LOXL2: variants seen among roughly 807,000 people sequenced by gnomAD.
The protein encoded by LOXL2 is lysyl oxidase homolog 2.
Under a neutral mutation model 93.0 loss-of-function variants are expected in LOXL2, and 70 were observed. That is an observed-to-expected ratio of 0.75 (90% CI 0.62 to 0.92). The LOEUF is 0.92. Ranked by LOEUF, LOXL2 falls within the 40% of genes least tolerant of loss-of-function variation. The pLI is 0.00. For missense variants in LOXL2, 973 were observed against 1,054.9 expected (o/e 0.92, Z 1.08); for synonymous variants, 438 against 413.2 (o/e 1.06, Z -0.73).
Position 23,398,369 on chromosome 8 carries a change from C to A in LOXL2, c.-84+5585G>T, listed in dbSNP as rs73549895. On this transcript the variant is annotated intron_variant, in intron 1 of 13. Coordinates refer to ENST00000389131, the MANE Select transcript of LOXL2 (RefSeq NM_002318.3). The stretch of plus-strand genomic sequence containing the variant: ...GGGCCAGCTGTGTCTGCTTGTCTGA[C>A]GTGGATCGTAGGAATGAAAAAACTA... Among the ~76,000 whole-genome samples the A allele has an allele frequency of 8.8e-3, 1,336 of 152,202 alleles. 16 individuals carry two copies. Among genetic ancestry groups the A allele is most frequent in the African/African-American group, 0.029 (1,212 of 41,516 alleles).
At chr8:23,344,240 G>A (rs1054458279) in intron 3 of LOXL2, among the ~76,000 whole-genome samples, 11 of 152,352 alleles carry the variant, frequency 7.2e-5, no homozygotes, top group Admixed American at 7.2e-4. Context: ...GGAGAGCCCC[G>A]GGGGCTCCAC....
At chr8:23,363,586 T>C (rs1804340180) in intron 2 of LOXL2, 1 of 152,228 alleles carries the variant, frequency 6.6e-6, no homozygotes, top group Non-Finnish European at 1.5e-5. Context: ...TGAAAAGCAG[T>C]GGCACCCTAT....
intron 1 of LOXL2, among the ~76,000 whole-genome samples, chr8:23,395,191 T>C (rs1585385475): frequency 6.6e-6 from 1 of 151,808 alleles, no homozygotes; most frequent in Admixed American, 6.6e-5. Context: ...GAGACGGAGG[T>C]TGCAGTGAGC....
At chr8:23,344,250 C>A (rs1221697983) in intron 3 of LOXL2, among the ~76,000 whole-genome samples, 2 of 152,200 alleles carry the variant, frequency 1.3e-5, no homozygotes, top group Non-Finnish European at 2.9e-5. Context: ...GGGGGCTCCA[C>A]GATGAAGGCA....
chr8:23,383,955 C>T (rs1029752279), intron 1 of LOXL2, among the ~76,000 whole-genome samples: 7 of 152,192 alleles, frequency 4.6e-5, no homozygotes, highest in Non-Finnish European at 7.4e-5. Flanking sequence ...CCACCGTGCC[C>T]GGCCCGATGT....
chr8:23,297,312 GAAC>G lies in LOXL2; in HGVS notation c.*728_*730del, dbSNP rs1454499907. On this transcript the variant is annotated 3_prime_UTR_variant, in exon 14 of 14. Coordinates refer to ENST00000389131, the MANE Select transcript of LOXL2 (RefSeq NM_002318.3). ...GTTGAATCAAAAACCCACAGAATTGGAACAACAGGAAGATGAGTCACTTACACA... is the reference window on the plus strand; with the variant it reads ...GTTGAATCAAAAACCCACAGAATTGGAACAGGAAGATGAGTCACTTACACA... The G allele has an allele frequency of 3.3e-5, 5 of 152,318 alleles. No individual in the cohort carries two copies. The highest frequency in any genetic ancestry group is 2.1e-4 in the South Asian group (1 of 4,820). The allele number at this position is 152,318 out of a possible 1,614,324, so 9.4% of individuals were successfully genotyped here.
intron 9 of LOXL2, among the ~76,000 whole-genome samples, chr8:23,316,167 T>A (rs1803399227): frequency 6.6e-6 from 1 of 152,226 alleles, no homozygotes; most frequent in Non-Finnish European, 1.5e-5. Flanking sequence ...TGACAGTGCA[T>A]CTTTGTTTAT....
Position 23,368,290 on chromosome 8 carries a change from G to A in LOXL2, c.62C>T (p.Pro21Leu). The A allele has an allele frequency of 6.2e-7, 1 of 1,613,528 alleles. No homozygotes were observed. The part of the protein sequence containing the change: ...SCLAMLALLS[P>L]LSLAQYDSWP... ...GCTGTCATACTGTGCCAGGCTCAGG[G>A]GGGACAGGAGGGCCAGCATAGCCAG... The change falls in exon 2 of 14, where the codon CCC becomes CTC. Residue 21 changes from proline to leucine, a missense_variant. Pro to Leu is a moderately conservative substitution (Grantham distance 98, BLOSUM62 -3). Coordinates refer to ENST00000389131, the MANE Select transcript of LOXL2 (RefSeq NM_002318.3).
intron 5 of LOXL2, among the ~76,000 whole-genome samples, chr8:23,332,309 AC>A (rs1454974597): frequency 3.0e-4 from 30 of 98,632 alleles, no homozygotes; most frequent in Middle Eastern, 4.9e-3. Context: ...ACACTCATAC[AC>A]ACCCCCTACA....
intron 9 of LOXL2, among the ~76,000 whole-genome samples, chr8:23,315,372 A>G (rs1803378832): frequency 6.6e-6 from 1 of 152,188 alleles, no homozygotes; most frequent in South Asian, 2.1e-4. Context: ...TCTAACGTGC[A>G]TTTAGCCAGA....
intron 9 of LOXL2, among the ~76,000 whole-genome samples, chr8:23,311,160 C>G (rs1554476158): frequency 6.6e-6 from 1 of 152,224 alleles, no homozygotes; most frequent in Non-Finnish European, 1.5e-5. Flanking sequence ...CCTTCTCCCC[C>G]TCCCCCTCCA....
chr8:23,328,120 G>A (rs1430756541), intron 6 of LOXL2, among the ~76,000 whole-genome samples: 1 of 152,024 alleles, frequency 6.6e-6, no homozygotes, highest in Non-Finnish European at 1.5e-5. Context: ...AGTATTCATT[G>A]GCTGCTAATA....
intron 1 of LOXL2, among the ~76,000 whole-genome samples, chr8:23,393,160 T>C (rs527685542): frequency 2.0e-4 from 31 of 152,328 alleles, no homozygotes; most frequent in Non-Finnish European, 3.7e-4. Context: ...TTCAACACAA[T>C]TTCTATCACA....
intron 10 of LOXL2, among the ~76,000 whole-genome samples, chr8:23,307,675 GC>G (rs780933945): frequency 6.6e-6 from 1 of 152,084 alleles, no homozygotes. Flanking sequence ...GGCAGCGTCA[GC>G]CCCCGCCGCC....
chr8:23,306,156 G>T (rs1038124128), intron 10 of LOXL2, among the ~76,000 whole-genome samples: 3 of 152,198 alleles, frequency 2.0e-5, no homozygotes, highest in African/African-American at 7.2e-5. Context: ...GGGAGGAGGT[G>T]TTGGATGCAA....
chr8:23,306,994 A>C (rs1437406068), intron 10 of LOXL2, among the ~76,000 whole-genome samples: 1 of 152,224 alleles, frequency 6.6e-6, no homozygotes, highest in African/African-American at 2.4e-5. Context: ...TGTTTCAGCC[A>C]AGGGCTTTCA....
intron 1 of LOXL2, among the ~76,000 whole-genome samples, chr8:23,388,623 TCACACA>T (rs10522826): frequency 0.064 from 9,126 of 142,762 alleles, 310 homozygotes; most frequent in Middle Eastern, 0.11. Context: ...AAAAATATAC[TCACACA>T]CACACACACA....
At chr8:23,383,569 C>T (rs1804708814) in intron 1 of LOXL2, among the ~76,000 whole-genome samples, 1 of 151,090 alleles carries the variant, frequency 6.6e-6, no homozygotes, top group African/African-American at 2.4e-5. Flanking sequence ...CTAACAAATT[C>T]ATTCCTTGTC....
chr8:23,328,356 C>A lies in LOXL2; in HGVS notation c.1150+26G>T, dbSNP rs186136153. 1,830 of 1,609,436 alleles carry A rather than the reference C, an allele frequency of 1.1e-3. 20 individuals carry two copies. In the South Asian group the frequency reaches 0.012, roughly 11 times the overall value. The stretch of plus-strand genomic sequence containing the variant: ...GGCACCATGCTCCCAGGAAGAGAGG[C>A]CCCCTCTAGCCTCCCCATTCCTTAC... On this transcript the variant is annotated intron_variant, in intron 6 of 13. Coordinates refer to ENST00000389131, the MANE Select transcript of LOXL2 (RefSeq NM_002318.3).
Sources: allele counts gnomAD v4.1 joint callset (sites outside exome capture counted in the v4.1 genomes callset), GRCh38; gene constraint gnomAD v4.1.1; transcripts MANE v1.5; gene names NCBI Gene and HGNC (gene_info 2026-07-23, HGNC 2026-07-21).